Variants in DLGAP1 observed in about 807,000 individuals in gnomAD.
DLGAP1 encodes disks large-associated protein 1.
A neutral mutation model predicts 90.8 loss-of-function variants in DLGAP1; 11 were observed. The ratio of observed to expected loss-of-function variants is 0.12; its 90% CI spans 0.08 to 0.20. The LOEUF (loss-of-function observed/expected upper bound fraction) is 0.20, where lower values mean the gene tolerates loss of function less well. Ranked by LOEUF, DLGAP1 falls within the 10% of genes least tolerant of loss-of-function variation. DLGAP1 has a pLI of 1.00. For missense variants in DLGAP1, 1,050 were observed against 1,333.8 expected, an observed-to-expected ratio of 0.79 and a Z score of 3.31; for synonymous variants, 558 against 540.7, an observed-to-expected ratio of 1.03 and a Z score of -0.44.
chr18:4,071,700 CATT>C (rs1185954618), intron 2 of DLGAP1, among the ~76,000 whole-genome samples: 1 of 152,190 alleles, frequency 6.6e-6, no homozygotes, highest in Non-Finnish European at 1.5e-5. Flanking sequence ...TTGTCTCTGA[CATT>C]GTAATAGGTC....
In DLGAP1 at chr18:3,567,593, A is replaced by G. The variant is rs2054509050; in HGVS notation, c.1966-12T>C. The stretch of plus-strand genomic sequence containing the variant: ...TCAGCATCATCCACCTGGAGAAATC[A>G]TCAAATAAATAGAGTTGTTCCATTT... On this transcript the variant is annotated splice_polypyrimidine_tract_variant and intron_variant, in intron 8 of 12. Transcript: ENST00000315677. 1.2e-6 allele frequency: 2 copies of G among 1,608,530 alleles called. No individual in the cohort carries two copies. Among genetic ancestry groups the G allele is most frequent in the Admixed American group, 3.3e-5 (2 of 59,766 alleles).
chr18:4,051,237 G>C (rs1055762347), intron 2 of DLGAP1, among the ~76,000 whole-genome samples: 3 of 152,092 alleles, frequency 2.0e-5, no homozygotes, highest in African/African-American at 7.2e-5. Flanking sequence ...ATATGGCTTG[G>C]CTCTGTGTCC....
intron 2 of DLGAP1, among the ~76,000 whole-genome samples, chr18:4,139,504 T>A (rs762430060): frequency 5.3e-5 from 8 of 152,018 alleles, no homozygotes; most frequent in Non-Finnish European, 1.2e-4. Flanking sequence ...TCAATTTTCT[T>A]GATGTTTTAA....
At chr18:3,919,247 C>T (rs2072214264) in intron 3 of DLGAP1, among the ~76,000 whole-genome samples, 1 of 152,198 alleles carries the variant, frequency 6.6e-6, no homozygotes. Context: ...TTTGAAGGTA[C>T]CTATGGGCAA....
chr18:4,381,514 T>C (rs1206489617), intron 1 of DLGAP1, among the ~76,000 whole-genome samples: 1 of 152,078 alleles, frequency 6.6e-6, no homozygotes, highest in Non-Finnish European at 1.5e-5. Context: ...CTGTCTGTTA[T>C]TTCATACTTA....
chr18:4,148,869 C>T (rs1032084019), intron 2 of DLGAP1, among the ~76,000 whole-genome samples: 12 of 152,228 alleles, frequency 7.9e-5, no homozygotes, highest in Admixed American at 5.9e-4. Context: ...GGTCACAACA[C>T]AACCACAGGC....
At chr18:3,821,132 T>C (rs1189400617) in intron 4 of DLGAP1, among the ~76,000 whole-genome samples, 1 of 151,716 alleles carries the variant, frequency 6.6e-6, no homozygotes, top group Non-Finnish European at 1.5e-5. Flanking sequence ...AAAATAATTT[T>C]TTAAATGTAG....
chr18:3,863,388 T>C (rs779255581), intron 4 of DLGAP1, among the ~76,000 whole-genome samples: 1 of 152,214 alleles, frequency 6.6e-6, no homozygotes, highest in Non-Finnish European at 1.5e-5. Context: ...TGGGATCTGA[T>C]GCCTTTGTTA....
intron 1 of DLGAP1, among the ~76,000 whole-genome samples, chr18:4,415,754 A>G (rs4798229): frequency 0.48 from 73,298 of 151,920 alleles, 18,170 homozygotes; most frequent in African/African-American, 0.61. Flanking sequence ...GTTTTCATCT[A>G]TAAAATGGGA....
At chr18:3,541,789 C>T (rs2052706054) in intron 9 of DLGAP1, among the ~76,000 whole-genome samples, 3 of 152,136 alleles carry the variant, frequency 2.0e-5, no homozygotes, top group Admixed American at 2.0e-4. Context: ...TTTCCACTTG[C>T]TTGTTCCACC....
At chr18:3,684,125 A>G (rs2060617680) in intron 7 of DLGAP1, among the ~76,000 whole-genome samples, 1 of 151,996 alleles carries the variant, frequency 6.6e-6, no homozygotes, top group Non-Finnish European at 1.5e-5. Context: ...GAGAGATGAC[A>G]GCTCGTTAAA....
chr18:4,298,921 A>G (rs2080053228), intron 1 of DLGAP1, among the ~76,000 whole-genome samples: 2 of 151,940 alleles, frequency 1.3e-5, no homozygotes, highest in Admixed American at 1.3e-4. Flanking sequence ...CTCTACTAAA[A>G]ATACAAAAAA....
At chr18:3,760,930 T>G (rs1015630954) in intron 5 of DLGAP1, among the ~76,000 whole-genome samples, 5 of 152,134 alleles carry the variant, frequency 3.3e-5, no homozygotes, top group African/African-American at 1.2e-4. Context: ...TCAGTCTGAG[T>G]TTTGGTTGGG....
At position 3,729,126 on chromosome 18, in the gene DLGAP1, C is replaced by G; in HGVS notation, c.1591+9G>C. On this transcript the variant is annotated intron_variant, in intron 7 of 12. Coordinates refer to ENST00000315677, the MANE Select transcript of DLGAP1 (RefSeq NM_004746.4). The surrounding 1 kb of genome is among the most constrained non-coding windows in gnomAD (Gnocchi z 6.2). ...AGGGGCCAGGCTGGCTGAGGGCCCG[C>G]GCACTCACCCGTGCTGCTCTGGATG... 1 of 1,598,244 alleles carries G rather than the reference C, an allele frequency of 6.3e-7. No homozygotes were observed. The highest frequency in any genetic ancestry group is 8.5e-7 in the Non-Finnish European group (1 of 1,171,084).
At chr18:3,552,226 C>T (rs2053516924) in intron 9 of DLGAP1, among the ~76,000 whole-genome samples, 1 of 152,086 alleles carries the variant, frequency 6.6e-6, no homozygotes, top group African/African-American at 2.4e-5. Flanking sequence ...CCTTTCCTCT[C>T]TTTTCTCTCA....
At position 3,558,296 on chromosome 18, in the gene DLGAP1, G is replaced by A. The variant is rs114114593; in HGVS notation, c.2057+9194C>T. ...CTCACTCTGTCACCCAGGCTGAAGC[G>A]CTCTTGGCTCACTGTAACATCCACC... On this transcript the variant is annotated intron_variant, in intron 9 of 12. Transcript: ENST00000315677. Among the ~76,000 whole-genome samples, 774 of 152,198 alleles carry A rather than the reference G, an allele frequency of 5.1e-3. 4 individuals carry two copies. The highest frequency in any genetic ancestry group is 0.018 in the African/African-American group (733 of 41,516).
chr18:4,317,147 G>T (rs1427137834), intron 1 of DLGAP1, among the ~76,000 whole-genome samples: 2 of 152,152 alleles, frequency 1.3e-5, no homozygotes, highest in Non-Finnish European at 2.9e-5. Flanking sequence ...GAGAGCGCTG[G>T]ATGCCTTCCT....
chr18:3,621,922 C>T (rs1030059265), intron 7 of DLGAP1, among the ~76,000 whole-genome samples: 5 of 152,082 alleles, frequency 3.3e-5, no homozygotes, highest in Admixed American at 1.3e-4. Flanking sequence ...GCCGTGATTA[C>T]ACCACTGCAC....
intron 10 of DLGAP1, among the ~76,000 whole-genome samples, chr18:3,529,186 G>C (rs538380165): frequency 6.6e-6 from 1 of 152,224 alleles, no homozygotes; most frequent in Non-Finnish European, 1.5e-5. Context: ...GCCTATAGGA[G>C]GTGAGTTGGT....
Sources: allele counts gnomAD v4.1 joint callset (sites outside exome capture counted in the v4.1 genomes callset), GRCh38; gene constraint gnomAD v4.1.1; non-coding constraint Gnocchi (gnomAD v3.1); transcripts MANE v1.5; gene names NCBI Gene and HGNC (gene_info 2026-07-23, HGNC 2026-07-21).